EPB41L4A: variants seen among roughly 807,000 people sequenced by gnomAD.
The protein encoded by EPB41L4A is erythrocyte membrane protein band 4.1 like 4A, also known as band 4.1-like protein 4A.
In EPB41L4A, 100 loss-of-function variants were observed where a neutral mutation model predicts 108.6. The ratio of observed to expected loss-of-function variants is 0.92; its 90% CI spans 0.78 to 1.09. The LOEUF (loss-of-function observed/expected upper bound fraction) is 1.09, where lower values mean the gene tolerates loss of function less well. EPB41L4A is among the 50% of genes least tolerant of loss of function. The pLI, the probability that EPB41L4A is intolerant of heterozygous loss-of-function variation, is 0.00. For synonymous variants in EPB41L4A, 319 were observed against 289.0 expected (o/e 1.10, Z -1.05); for missense variants, 1,030 against 842.7 (o/e 1.22, Z -2.75).
chr5:112,339,366 A>G (rs1427313199), intron 1 of EPB41L4A, among the ~76,000 whole-genome samples: 1 of 151,820 alleles, frequency 6.6e-6, no homozygotes, highest in Admixed American at 6.6e-5. Flanking sequence ...GTGGAGAGTC[A>G]AAGTTTTGGT....
chr5:112,170,840 G>C, intron 19 of EPB41L4A, 105 bp downstream of exon 19: 2 of 964,042 alleles, frequency 2.1e-6, no homozygotes, highest in Admixed American at 2.0e-5. Flanking sequence ...CAATGGCTTT[G>C]GCAGGCATCA....
At chr5:112,170,053 A>T in intron 20 of EPB41L4A, 1 of 441,670 alleles carries the variant, frequency 2.3e-6, no homozygotes, top group East Asian at 4.3e-5. Context: ...TAAAACTGAC[A>T]TTAATCAGGA....
At chr5:112,274,711 G>T (rs1375607053) in intron 4 of EPB41L4A, among the ~76,000 whole-genome samples, 1 of 152,134 alleles carries the variant, frequency 6.6e-6, no homozygotes, top group Non-Finnish European at 1.5e-5. Flanking sequence ...AATATAACTG[G>T]TCTGTTCCTT....
At chr5:112,301,410 G>A (rs953258036) in intron 2 of EPB41L4A, among the ~76,000 whole-genome samples, 4 of 152,162 alleles carry the variant, frequency 2.6e-5, no homozygotes, top group African/African-American at 9.7e-5. Context: ...TGCAGTGACT[G>A]TTATTTCCTT....
At chr5:112,284,640 T>C (rs1701551712) in intron 2 of EPB41L4A, among the ~76,000 whole-genome samples, 1 of 152,208 alleles carries the variant, frequency 6.6e-6, no homozygotes, top group Admixed American at 6.5e-5. Flanking sequence ...AAACAGACCC[T>C]GCTCTCTGAT....
chr5:112,205,526 T>G (rs778147651), intron 13 of EPB41L4A, 22 bp from the exon 14 acceptor site: 6 of 1,531,430 alleles, frequency 3.9e-6, no homozygotes, highest in Non-Finnish European at 5.4e-6. Context: ...AAAAAAAGTA[T>G]GAGAAATAAA....
chr5:112,412,059 G>A (rs150812758), intron 1 of EPB41L4A, among the ~76,000 whole-genome samples: 1,773 of 152,162 alleles, frequency 0.012, 26 homozygotes, highest in South Asian at 0.038. Context: ...GCGCTTTCCC[G>A]AGGGCTCAGA....
chr5:112,291,369 C>T (rs1432022542), intron 2 of EPB41L4A, among the ~76,000 whole-genome samples: 1 of 152,208 alleles, frequency 6.6e-6, no homozygotes, highest in Non-Finnish European at 1.5e-5. Flanking sequence ...CCTTATCACT[C>T]CAGCCTCGGT....
intron 1 of EPB41L4A, among the ~76,000 whole-genome samples, chr5:112,373,806 T>C (rs1055715402): frequency 6.6e-6 from 1 of 152,230 alleles, no homozygotes; most frequent in Non-Finnish European, 1.5e-5. Flanking sequence ...GGTCCAAGAC[T>C]CAATTTAAAG....
chr5:112,266,389 T>A lies in EPB41L4A; in HGVS notation c.336-59A>T. ...TCTTACACTACTCAAACCTGAGGTT[T>A]CGGACCCTGATAATCAAGGTTAACA... On this transcript the variant is annotated intron_variant, in intron 4 of 22. Coordinates refer to ENST00000261486, the MANE Select transcript of EPB41L4A (RefSeq NM_022140.5). 1.0e-5 allele frequency: 12 copies of A among 1,195,976 alleles called. No individual in the cohort carries two copies. The South Asian group carries it at 1.6e-4, about 16-fold the overall frequency. The allele number at this position is 1,195,976 out of a possible 1,614,324, so 74.1% of individuals were successfully genotyped here.
intron 15 of EPB41L4A, 50 bp downstream of exon 15, chr5:112,204,325 C>G: frequency 7.7e-7 from 1 of 1,293,260 alleles, no homozygotes; most frequent in Non-Finnish European, 1.1e-6. Context: ...AGGCCTGGGA[C>G]AAAATGCTTC....
intron 1 of EPB41L4A, among the ~76,000 whole-genome samples, chr5:112,365,353 T>C (rs1759055226): frequency 6.6e-6 from 1 of 152,142 alleles, no homozygotes; most frequent in Non-Finnish European, 1.5e-5. Context: ...ACACCTAGCT[T>C]TCATGAATAT....
At chr5:112,259,197 T>A (rs1751322862) in intron 9 of EPB41L4A, 32 bp downstream of exon 9, 3 of 1,551,440 alleles carry the variant, frequency 1.9e-6, no homozygotes, top group African/African-American at 2.7e-5. Context: ...GACACCCCTC[T>A]TCTAATTTAA....
chr5:112,327,444 A>G (rs1295852926), intron 1 of EPB41L4A, among the ~76,000 whole-genome samples: 1 of 152,170 alleles, frequency 6.6e-6, no homozygotes, highest in Non-Finnish European at 1.5e-5. Context: ...GACTGGGTGC[A>G]GTGGCTCACA....
downstream of EPB41L4A, among the ~76,000 whole-genome samples, chr5:112,159,296 G>T (rs1403135947): frequency 6.6e-6 from 1 of 152,042 alleles, no homozygotes. Context: ...TATAGAAGTA[G>T]GCTTCAAAGA....
chr5:112,390,428 G>A (rs906579114), intron 1 of EPB41L4A, among the ~76,000 whole-genome samples: 11 of 152,146 alleles, frequency 7.2e-5, no homozygotes, highest in South Asian at 4.1e-4. Context: ...TCACACCCAC[G>A]GAGCCTTGCT....
chr5:112,230,735 C>A (rs935403016), intron 12 of EPB41L4A, among the ~76,000 whole-genome samples: 1 of 152,096 alleles, frequency 6.6e-6, no homozygotes, highest in East Asian at 1.9e-4. Context: ...TTAATTAGGT[C>A]TTATCTATTT....
intron 8 of EPB41L4A, 151 bp from the exon 9 acceptor site, chr5:112,259,443 C>A: frequency 1.5e-6 from 1 of 651,048 alleles, no homozygotes. Flanking sequence ...GAGATTTCCC[C>A]ATACACTCTA....
At chr5:112,168,971 G>A (rs771037674) in intron 21 of EPB41L4A, 24 bp downstream of exon 21, 6 of 1,560,982 alleles carry the variant, frequency 3.8e-6, no homozygotes, top group Admixed American at 1.7e-5. Context: ...GATGGTGATG[G>A]TGTACTCTGG....
Sources: allele counts gnomAD v4.1 joint callset (sites outside exome capture counted in the v4.1 genomes callset), GRCh38; gene constraint gnomAD v4.1.1; transcripts MANE v1.5; gene names NCBI Gene and HGNC (gene_info 2026-07-23, HGNC 2026-07-21).